Variants in ELOVL6 observed in about 807,000 individuals in gnomAD.
ELOVL6 encodes very long chain fatty acid elongase 6.
In ELOVL6, 8 loss-of-function variants were observed where a neutral mutation model predicts 31.7. The observed-to-expected ratio is 0.25, with a 90% confidence interval of 0.15 to 0.45. The LOEUF (loss-of-function observed/expected upper bound fraction) is 0.45, where lower values mean the gene tolerates loss of function less well. ELOVL6 is among the 20% of genes least tolerant of loss of function. The pLI is 1.00. For synonymous variants in ELOVL6, 101 were observed against 117.7 expected (o/e 0.86, Z 0.92); for missense variants, 126 against 326.4 (o/e 0.39, Z 4.73).
intron 1 of ELOVL6, among the ~76,000 whole-genome samples, chr4:110,186,055 T>C (rs1759428525): frequency 6.6e-6 from 1 of 151,888 alleles, no homozygotes; most frequent in Admixed American, 6.6e-5. Flanking sequence ...CCAGGCATGG[T>C]GGCAGGCACC....
At chr4:110,161,116 A>T (rs1021504393) in intron 1 of ELOVL6, among the ~76,000 whole-genome samples, 3 of 152,222 alleles carry the variant, frequency 2.0e-5, no homozygotes, top group African/African-American at 4.8e-5. Flanking sequence ...GTGCAATGTA[A>T]TCCAAGTAAT....
intron 1 of ELOVL6, among the ~76,000 whole-genome samples, chr4:110,169,045 T>C (rs949377704): frequency 1.3e-5 from 2 of 152,118 alleles, no homozygotes; most frequent in Non-Finnish European, 2.9e-5. Flanking sequence ...TACTGTAGCC[T>C]AGACCTCTTG....
chr4:110,113,661 TCTCTA>T (rs1757098718), intron 1 of ELOVL6, among the ~76,000 whole-genome samples: 1 of 152,162 alleles, frequency 6.6e-6, no homozygotes, highest in South Asian at 2.1e-4. Flanking sequence ...CTAAAAATGA[TCTCTA>T]TGATGAAAAA....
At chr4:110,088,676 C>T (rs914383629) in intron 2 of ELOVL6, among the ~76,000 whole-genome samples, 24 of 152,184 alleles carry the variant, frequency 1.6e-4, no homozygotes, top group African/African-American at 5.8e-4. Flanking sequence ...AAGTAGCCAG[C>T]ATCACTATTG....
chr4:110,066,366 G>A (rs1042192801), intron 2 of ELOVL6, among the ~76,000 whole-genome samples: 1 of 152,044 alleles, frequency 6.6e-6, no homozygotes, highest in African/African-American at 2.4e-5. Context: ...GCCAGGCACG[G>A]TGGCTCATGC....
chr4:110,095,038 G>A (rs1756539431), intron 2 of ELOVL6, among the ~76,000 whole-genome samples: 2 of 152,212 alleles, frequency 1.3e-5, no homozygotes, highest in Non-Finnish European at 2.9e-5. Flanking sequence ...TGAACTACCA[G>A]CAAGTTCAGT....
chr4:110,141,359 G>A (rs10028278), intron 1 of ELOVL6, among the ~76,000 whole-genome samples: 59 of 152,184 alleles, frequency 3.9e-4, no homozygotes, highest in African/African-American at 9.2e-4. Context: ...CACCGTGCCC[G>A]GCTGGAGCAT....
At chr4:110,183,979 C>CTCAA (rs1036449816) in intron 1 of ELOVL6, among the ~76,000 whole-genome samples, 2 of 152,080 alleles carry the variant, frequency 1.3e-5, no homozygotes, top group Non-Finnish European at 2.9e-5. Flanking sequence ...GAGACCCTGT[C>CTCAA]TCAATCAATC....
intron 2 of ELOVL6, among the ~76,000 whole-genome samples, chr4:110,104,358 G>A (rs1756829055): frequency 6.6e-6 from 1 of 152,118 alleles, no homozygotes. Flanking sequence ...TCCAAATCAT[G>A]AGTACTTCAA....
chr4:110,066,937 G>A (rs1240647208), intron 2 of ELOVL6, among the ~76,000 whole-genome samples: 1 of 151,832 alleles, frequency 6.6e-6, no homozygotes, highest in African/African-American at 2.4e-5. Flanking sequence ...CCCCTGCCAG[G>A]CCACAGTGTG....
chr4:110,135,002 G>A (rs1480564796), intron 1 of ELOVL6, among the ~76,000 whole-genome samples: 1 of 152,116 alleles, frequency 6.6e-6, no homozygotes, highest in Non-Finnish European at 1.5e-5. Context: ...GAGGAACTAT[G>A]AAGGGCCTTA....
chr4:110,103,808 A>G (rs1756816587), intron 2 of ELOVL6, among the ~76,000 whole-genome samples: 2 of 152,348 alleles, frequency 1.3e-5, no homozygotes, highest in Admixed American at 1.3e-4. Context: ...ATTTTGATCT[A>G]GGTTCTTAAA....
intron 1 of ELOVL6, among the ~76,000 whole-genome samples, chr4:110,147,673 C>T (rs772817190): frequency 2.0e-5 from 3 of 151,600 alleles, no homozygotes; most frequent in Non-Finnish European, 4.4e-5. Context: ...TGCCTGTATT[C>T]CCAGATACTT....
chr4:110,063,935 A>G (rs763723375), intron 2 of ELOVL6, among the ~76,000 whole-genome samples: 8 of 151,670 alleles, frequency 5.3e-5, no homozygotes, highest in Non-Finnish European at 1.2e-4. Flanking sequence ...AAAATTAGCC[A>G]GGTACGGTGG....
chr4:110,193,111 GA>G (rs1182008379), intron 1 of ELOVL6, among the ~76,000 whole-genome samples: 1 of 152,148 alleles, frequency 6.6e-6, no homozygotes, highest in Non-Finnish European at 1.5e-5. Context: ...CTCACTAAAT[GA>G]AAAACAACAG....
At position 110,198,011 on chromosome 4, in the gene ELOVL6, T is replaced by C. The variant is rs991690941; in HGVS notation, c.89+236A>G. On this transcript the variant is annotated intron_variant, in intron 1 of 3. Transcript: ENST00000302274. ...CATATGTTCTGTGTTATATAATCTATATAAAAGATGCCTATGTAGCCGCGG... is the reference window on the plus strand; with the variant it reads ...CATATGTTCTGTGTTATATAATCTACATAAAAGATGCCTATGTAGCCGCGG... 4 of 600,894 alleles carry C rather than the reference T, an allele frequency of 6.7e-6. No homozygotes were observed. In the East Asian group the frequency reaches 8.4e-5, roughly 13 times the overall value. 37.2% of individuals were successfully genotyped at this position (600,894 alleles called of 1,614,324 possible). A position where few individuals can be genotyped will look rare whatever the true frequency, so the allele number is the denominator to read the frequency against.
chr4:110,098,810 G>A (rs1227442853), intron 2 of ELOVL6, among the ~76,000 whole-genome samples: 3 of 151,964 alleles, frequency 2.0e-5, no homozygotes, highest in Admixed American at 6.6e-5. Context: ...TTTATAATGC[G>A]TTTTTCATAA....
intron 2 of ELOVL6, among the ~76,000 whole-genome samples, chr4:110,076,907 G>A (rs1477075542): frequency 6.6e-6 from 1 of 152,190 alleles, no homozygotes; most frequent in East Asian, 1.9e-4. Flanking sequence ...CTTTTCCAAT[G>A]GTCTTAGCAA....
At chr4:110,171,366 G>A (rs376659502) in intron 1 of ELOVL6, among the ~76,000 whole-genome samples, 3 of 151,820 alleles carry the variant, frequency 2.0e-5, no homozygotes, top group Admixed American at 1.3e-4. Context: ...CCAAGATCGC[G>A]CCATTGCACT....
Sources: allele counts gnomAD v4.1 joint callset (sites outside exome capture counted in the v4.1 genomes callset), GRCh38; gene constraint gnomAD v4.1.1; transcripts MANE v1.5; gene names NCBI Gene and HGNC (gene_info 2026-07-23, HGNC 2026-07-21).